The following USP24 variants were observed in gnomAD, a reference collection of about 807,000 sequenced individuals.
USP24 encodes the protein ubiquitin specific peptidase 24.
USP24 carries 97 observed loss-of-function variants against 361.6 expected under a neutral mutation model. The ratio of observed to expected loss-of-function variants is 0.27; its 90% CI spans 0.23 to 0.32. The LOEUF (loss-of-function observed/expected upper bound fraction) is 0.32, where lower values mean the gene tolerates loss of function less well. USP24 is among the 10% of genes least tolerant of loss of function. The pLI is 1.00. For missense variants in USP24, 2,353 were observed against 3,165.6 expected, an observed-to-expected ratio of 0.74 and a Z score of 6.16; for synonymous variants, 1,098 against 1,124.6, an observed-to-expected ratio of 0.98 and a Z score of 0.47.
At chr1:55,151,922 G>A (rs955275135) in intron 16 of USP24, 5 of 985,666 alleles carry the variant, frequency 5.1e-6, no homozygotes, top group South Asian at 4.7e-5. Context: ...CCTTTGCTTA[G>A]TTTCTGTGTA....
At position 55,129,584 on chromosome 1, in the gene USP24, A is replaced by C; in HGVS notation, c.3538-10T>G. 1 of 1,608,812 alleles carries C rather than the reference A, an allele frequency of 6.2e-7. No individual in the cohort carries two copies. Among genetic ancestry groups the C allele is most frequent in the East Asian group, 2.2e-5 (1 of 44,824 alleles). Reference sequence around the variant, plus strand: ...GTTTGGAGCTTAGAACCTAGGGAACAGATAAGCACAATTATTCATCCACAC... The same window carrying C: ...GTTTGGAGCTTAGAACCTAGGGAACCGATAAGCACAATTATTCATCCACAC... On this transcript the variant is annotated splice_polypyrimidine_tract_variant and intron_variant, in intron 31 of 67. Transcript: ENST00000294383.
At chr1:55,212,918 G>C (rs1412804683) in intron 1 of USP24, among the ~76,000 whole-genome samples, 2 of 152,134 alleles carry the variant, frequency 1.3e-5, no homozygotes, top group South Asian at 2.1e-4. Flanking sequence ...TGCCATTCAC[G>C]TAAGAAGCCA....
At chr1:55,079,800 T>C in intron 59 of USP24, 141 bp from the exon 60 acceptor site, 2 of 1,137,688 alleles carry the variant, frequency 1.8e-6, no homozygotes, top group Non-Finnish European at 2.4e-6. Flanking sequence ...CACTGAGTAC[T>C]CACACACTGA....
intron 61 of USP24, 33 bp from the exon 62 acceptor site, chr1:55,077,333 G>A (rs1645049725): frequency 2.0e-6 from 3 of 1,525,998 alleles, no homozygotes; most frequent in Non-Finnish European, 2.7e-6. Context: ...AAAAACTTCA[G>A]TGGAAAGCAT....
chr1:55,189,511 G>A (rs1644229971), intron 1 of USP24, among the ~76,000 whole-genome samples: 1 of 152,208 alleles, frequency 6.6e-6, no homozygotes, highest in African/African-American at 2.4e-5. Flanking sequence ...TATATGAAAT[G>A]TTCACAATAG....
chr1:55,104,254 T>C lies in USP24; in HGVS notation c.4881-234A>G, dbSNP rs75330642. On this transcript the variant is annotated intron_variant, in intron 41 of 67. Transcript: ENST00000294383. ...AAAATTCTTTCACTTATGATCAGAA[T>C]AGTCTCATCTAATGAATGGATCAGC... Among the ~76,000 whole-genome samples the C allele has an allele frequency of 4.3e-4, 65 of 152,262 alleles. No homozygotes were observed. The East Asian group carries it at 0.012, about 29-fold the overall frequency.
intron 10 of USP24, among the ~76,000 whole-genome samples, chr1:55,157,694 C>T (rs1353099463): frequency 2.6e-5 from 4 of 151,868 alleles, no homozygotes; most frequent in African/African-American, 7.3e-5. Flanking sequence ...ATTAGCTGGG[C>T]GTAGTCGTGG....
Position 55,132,663 on chromosome 1 carries a change from T to G in USP24, c.3419A>C (p.Lys1140Thr). Residue 1140 changes from lysine to threonine, a missense_variant, in exon 31 of 68, where the codon AAA (lysine) becomes ACA (threonine). Lys to Thr is a moderately conservative substitution (Grantham distance 78). Around this residue, in one of 8 missense-constraint regions of USP24, gnomAD observed 949 missense variants for 1,280.5 expected, o/e 0.74. Coordinates refer to ENST00000294383, the MANE Select transcript of USP24 (RefSeq NM_015306.3). ...LLSESSSQSS[K>T]SPSLSSKQQH... Reference sequence around the variant, plus strand: ...TTGCTTTGATGACAGGGATGGAGATTTTGAGGACTGAGAACTTGATTCAGA... The same window carrying G: ...TTGCTTTGATGACAGGGATGGAGATGTTGAGGACTGAGAACTTGATTCAGA... 1 of 1,613,592 alleles carries G rather than the reference T, an allele frequency of 6.2e-7. No homozygotes were observed. The highest frequency in any genetic ancestry group is 1.1e-5 in the South Asian group (1 of 91,050).
intron 62 of USP24, among the ~76,000 whole-genome samples, chr1:55,077,027 T>C (rs1000807802): frequency 6.6e-6 from 1 of 152,156 alleles, no homozygotes; most frequent in Admixed American, 6.5e-5. Flanking sequence ...GCTCCCTCAC[T>C]CAACTGTGAG....
chr1:55,171,318 T>G (rs1649418949), intron 5 of USP24, among the ~76,000 whole-genome samples: 1 of 152,176 alleles, frequency 6.6e-6, no homozygotes. Flanking sequence ...TAAAGACATT[T>G]CTCATTTTAC....
intron 1 of USP24, among the ~76,000 whole-genome samples, chr1:55,210,631 G>C (rs1644825939): frequency 6.6e-6 from 1 of 152,144 alleles, no homozygotes; most frequent in African/African-American, 2.4e-5. Context: ...AATGAGGTAA[G>C]TTAAGGAACT....
At chr1:55,203,382 T>G (rs1644627598) in intron 1 of USP24, among the ~76,000 whole-genome samples, 1 of 152,122 alleles carries the variant, frequency 6.6e-6, no homozygotes, top group Non-Finnish European at 1.5e-5. Context: ...AGAGTCAAGG[T>G]CCTCCTCCCT....
intron 1 of USP24, among the ~76,000 whole-genome samples, chr1:55,198,196 G>A (rs938991709): frequency 6.6e-6 from 1 of 151,928 alleles, no homozygotes; most frequent in African/African-American, 2.4e-5. Context: ...TGCCCAGGCT[G>A]GTCTCAAATA....
chr1:55,175,154 T>G (rs2100813613), intron 3 of USP24, among the ~76,000 whole-genome samples: 1 of 151,752 alleles, frequency 6.6e-6, no homozygotes, highest in African/African-American at 2.4e-5. Context: ...TCAAGGGAGA[T>G]TCTGCCTACC....
At chr1:55,158,688 A>T (rs915565364) in intron 10 of USP24, among the ~76,000 whole-genome samples, 190 bp downstream of exon 10, 2 of 152,226 alleles carry the variant, frequency 1.3e-5, no homozygotes, top group Admixed American at 6.5e-5. Context: ...TCAGATGTAA[A>T]TTTTGAAAGT....
At chr1:55,179,923 C>A (rs761772530) in intron 1 of USP24, among the ~76,000 whole-genome samples, 14 of 152,192 alleles carry the variant, frequency 9.2e-5, no homozygotes, top group Non-Finnish European at 1.5e-4. Context: ...TCATAAAGCA[C>A]TAATCTGACG....
At chr1:55,142,505 G>T (rs1018305409) in intron 23 of USP24, among the ~76,000 whole-genome samples, 8 of 152,122 alleles carry the variant, frequency 5.3e-5, no homozygotes, top group Non-Finnish European at 8.8e-5. Flanking sequence ...CTCCAAAAGG[G>T]GAGGAAGGTG....
Position 55,094,078 on chromosome 1 carries a change from T to C in USP24, c.6213A>G (p.Pro2071=), listed in dbSNP as rs1557549086. Residue 2071 remains proline, a synonymous_variant, in exon 52 of 68, where the codon CCA becomes CCG. Transcript: ENST00000294383. The stretch of plus-strand genomic sequence containing the variant: ...ACTGAGGTGAAATTTCTGGTGAAGA[T>C]GGAGCTGACCTAAGAGATAGAATCA... The part of the protein sequence containing the change: ...QEAEDLSLSA[P]SSPEISPQSS... 6.2e-7 allele frequency: 1 copy of C among 1,613,110 alleles called. No homozygotes were observed. Among genetic ancestry groups the C allele is most frequent in the East Asian group, 2.2e-5 (1 of 44,878 alleles).
At chr1:55,125,860 T>C in intron 32 of USP24, 102 bp from the exon 33 acceptor site, 1 of 917,794 alleles carries the variant, frequency 1.1e-6, no homozygotes, top group Non-Finnish European at 1.6e-6. Context: ...ATTACTTAGT[T>C]TCTACATGAT....
Sources: gnomAD v4.1 joint callset for allele counts (sites outside exome capture counted in the v4.1 genomes callset) on GRCh38, gnomAD v4.1.1 for gene constraint, gnomAD v4.1.1 regional missense constraint, MANE v1.5 for transcripts, NCBI Gene and HGNC (gene_info 2026-07-23, HGNC 2026-07-21) for gene names.